The following GLRB variants were observed in gnomAD, a reference collection of about 807,000 sequenced individuals.
GLRB encodes the protein glycine receptor beta.
GLRB carries 33 observed loss-of-function variants against 54.2 expected under a neutral mutation model. The ratio of observed to expected loss-of-function variants is 0.61; its 90% CI spans 0.46 to 0.81. The LOEUF (loss-of-function observed/expected upper bound fraction) is 0.81, where lower values mean the gene tolerates loss of function less well. Among genes scored for constraint, GLRB ranks in the 40% least tolerant of loss-of-function variants. The pLI is 0.00. For missense variants in GLRB, 572 were observed against 584.6 expected (o/e 0.98, Z 0.22); for synonymous variants, 209 against 208.2 (o/e 1.00, Z -0.03).
intron 4 of GLRB, among the ~76,000 whole-genome samples, chr4:157,133,961 C>T (rs1294795210): frequency 1.3e-5 from 2 of 151,808 alleles, no homozygotes; most frequent in Non-Finnish European, 2.9e-5. Flanking sequence ...TTAACCATAC[C>T]ATTTTGAAAA....
chr4:157,120,954 T>C (rs41280497), intron 3 of GLRB, among the ~76,000 whole-genome samples: 1 of 151,798 alleles, frequency 6.6e-6, no homozygotes, highest in Admixed American at 6.6e-5. Context: ...CTAAGTACTA[T>C]TCTTAACCTT....
intron 2 of GLRB, among the ~76,000 whole-genome samples, chr4:157,089,691 T>C (rs1348170552): frequency 2.0e-5 from 3 of 152,208 alleles, no homozygotes; most frequent in Admixed American, 1.3e-4. Flanking sequence ...TTTTAGCTTC[T>C]TGCTTATCAA....
At chr4:157,125,761 C>T (rs567482871) in intron 4 of GLRB, among the ~76,000 whole-genome samples, 5 of 151,768 alleles carry the variant, frequency 3.3e-5, no homozygotes, top group South Asian at 2.1e-4. Flanking sequence ...CTGTGAACCC[C>T]GTCTGTACTA....
At chr4:157,159,872 CT>C (rs1737402208) in intron 9 of GLRB, among the ~76,000 whole-genome samples, 2 of 152,162 alleles carry the variant, frequency 1.3e-5, no homozygotes, top group Admixed American at 1.3e-4. Context: ...AGGATTCCCT[CT>C]TTTTCTGTTG....
intron 9 of GLRB, among the ~76,000 whole-genome samples, chr4:157,157,505 G>A (rs1579249162): frequency 6.6e-6 from 1 of 151,498 alleles, no homozygotes; most frequent in African/African-American, 2.4e-5. Flanking sequence ...CCCACCCCAC[G>A]ACAGGCCCTG....
At position 157,170,777 on chromosome 4, in the gene GLRB, A is replaced by G. The variant is rs1737894128; in HGVS notation, c.*49A>G. On this transcript the variant is annotated 3_prime_UTR_variant, in exon 10 of 10. Coordinates refer to ENST00000264428, the MANE Select transcript of GLRB (RefSeq NM_000824.5). ...ATAAAATTCCATTTCATTGTGACCT[A>G]CTCCTTTCATAAATGCCAATCTGTG... 6.6e-6 allele frequency: 7 copies of G among 1,067,856 alleles called. No homozygotes were observed. Among genetic ancestry groups the G allele is most frequent in the Non-Finnish European group, 9.3e-6 (7 of 753,760 alleles). The allele number at this position is 1,067,856 out of a possible 1,614,324, so 66.1% of individuals were successfully genotyped here.
At chr4:157,137,854 C>A (rs1736462184) in intron 6 of GLRB, among the ~76,000 whole-genome samples, 1 of 152,114 alleles carries the variant, frequency 6.6e-6, no homozygotes, top group South Asian at 2.1e-4. Context: ...ACTGGATGCA[C>A]TAAAATATTA....
intron 7 of GLRB, among the ~76,000 whole-genome samples, chr4:157,142,255 T>C (rs950181405): frequency 2.0e-5 from 3 of 152,136 alleles, no homozygotes; most frequent in African/African-American, 4.8e-5. Context: ...TTCATTGTTA[T>C]GTTTTTTACA....
intron 2 of GLRB, among the ~76,000 whole-genome samples, chr4:157,098,504 C>T (rs1038438832): frequency 2.0e-5 from 3 of 152,108 alleles, no homozygotes; most frequent in Non-Finnish European, 4.4e-5. Context: ...CATGATGAGA[C>T]AGTTTTTCTT....
chr4:157,077,189 C>T (rs747877961), intron 1 of GLRB, among the ~76,000 whole-genome samples: 1 of 152,042 alleles, frequency 6.6e-6, no homozygotes, highest in Non-Finnish European at 1.5e-5. Flanking sequence ...TTATCAGAAT[C>T]TCTGGCAAGA....
chr4:157,113,455 A>G (rs1735493664), intron 2 of GLRB, among the ~76,000 whole-genome samples: 1 of 151,954 alleles, frequency 6.6e-6, no homozygotes, highest in Non-Finnish European at 1.5e-5. Flanking sequence ...TACGGTATAA[A>G]TAGAAGATAC....
intron 9 of GLRB, among the ~76,000 whole-genome samples, chr4:157,153,430 C>T (rs1737103213): frequency 6.6e-6 from 1 of 152,050 alleles, no homozygotes; most frequent in Non-Finnish European, 1.5e-5. Flanking sequence ...CTTGGAGAAG[C>T]CCATGCTCAT....
At chr4:157,121,227 T>C (rs551816707) in intron 3 of GLRB, among the ~76,000 whole-genome samples, 3 of 151,830 alleles carry the variant, frequency 2.0e-5, no homozygotes, top group Middle Eastern at 6.8e-3. Context: ...ACAACATAGA[T>C]TATTTTTATT....
At chr4:157,082,834 C>T (rs920665290) in intron 2 of GLRB, among the ~76,000 whole-genome samples, 1 of 152,002 alleles carries the variant, frequency 6.6e-6, no homozygotes, top group Non-Finnish European at 1.5e-5. Flanking sequence ...AGGTCTAACA[C>T]TGTTGAAGAA....
At chr4:157,095,305 CAA>C (rs59570434) in intron 2 of GLRB, among the ~76,000 whole-genome samples, 29 of 79,132 alleles carry the variant, frequency 3.7e-4, no homozygotes, top group Admixed American at 5.5e-4. Flanking sequence ...TGTGCCTGAG[CAA>C]AAAAAAAAAA....
intron 2 of GLRB, among the ~76,000 whole-genome samples, chr4:157,082,887 A>G (rs965209446): frequency 6.6e-6 from 1 of 151,682 alleles, no homozygotes; most frequent in Admixed American, 6.6e-5. Flanking sequence ...TAAGTATAGG[A>G]TGAGGAAGAA....
At chr4:157,147,263 A>G (rs1736847316) in intron 8 of GLRB, among the ~76,000 whole-genome samples, 1 of 152,248 alleles carries the variant, frequency 6.6e-6, no homozygotes, top group Non-Finnish European at 1.5e-5. Context: ...AACAACCAGT[A>G]TGATGCAGTT....
intron 4 of GLRB, among the ~76,000 whole-genome samples, chr4:157,132,599 G>A (rs1178309036): frequency 7.3e-5 from 11 of 151,666 alleles, no homozygotes; most frequent in Non-Finnish European, 1.2e-4. Context: ...GTATTGCTTT[G>A]TTCTTACATC....
intron 9 of GLRB, among the ~76,000 whole-genome samples, chr4:157,153,278 A>G (rs968338737): frequency 2.6e-5 from 4 of 152,030 alleles, no homozygotes; most frequent in African/African-American, 7.2e-5. Context: ...TAAGGATTCA[A>G]CTCTGCTTTG....
Sources: gnomAD v4.1 joint callset for allele counts (sites outside exome capture counted in the v4.1 genomes callset) on GRCh38, gnomAD v4.1.1 for gene constraint, MANE v1.5 for transcripts, NCBI Gene and HGNC (gene_info 2026-07-23, HGNC 2026-07-21) for gene names.